The following TXNRD3 variants were observed in gnomAD, a reference collection of about 807,000 sequenced individuals.
TXNRD3 encodes TXNRD3 neighbor gene protein.
A neutral mutation model predicts 78.2 loss-of-function variants in TXNRD3; 68 were observed. The observed-to-expected ratio is 0.87, with a 90% CI of 0.72 to 1.06. The LOEUF (loss-of-function observed/expected upper bound fraction) is 1.06, where lower values mean the gene tolerates loss of function less well. TXNRD3 is among the 50% of genes least tolerant of loss of function. The probability of loss-of-function intolerance (pLI) is 0.00; values close to 1 mark genes in which losing one functional copy is unlikely to be tolerated. For missense variants in TXNRD3, 751 were observed against 809.5 expected (o/e 0.93, Z 0.88); for synonymous variants, 296 against 300.1 (o/e 0.99, Z 0.14).
intron 1 of TXNRD3, among the ~76,000 whole-genome samples, chr3:126,650,943 TG>T (rs1933373355): frequency 6.6e-6 from 1 of 152,180 alleles, no homozygotes; most frequent in Admixed American, 6.5e-5. Flanking sequence ...ACAAACAAGC[TG>T]GTTGATTACA....
At chr3:126,637,932 C>CTTTTTTTTTTTTTTTTTTTTTTT (rs71615916) in intron 6 of TXNRD3, among the ~76,000 whole-genome samples, 1 of 60,190 alleles carries the variant, frequency 1.7e-5, no homozygotes, top group African/African-American at 7.2e-5. Flanking sequence ...ATTTCTCTCT[C>CTTTTTTTTTTTTTTTTTTTTTTT]TTTTTTTTTT....
chr3:126,623,980 T>C (rs988568845), intron 10 of TXNRD3, among the ~76,000 whole-genome samples: 2 of 151,578 alleles, frequency 1.3e-5, no homozygotes, highest in African/African-American at 4.8e-5. Flanking sequence ...TTTTATACAC[T>C]ACCAACCAAC....
At chr3:126,643,734 T>G (rs4679127) in intron 5 of TXNRD3, among the ~76,000 whole-genome samples, 1 of 152,056 alleles carries the variant, frequency 6.6e-6, no homozygotes, top group Non-Finnish European at 1.5e-5. Context: ...TTTTTTAAAA[T>G]TTTTTTATTT....
rs1341907120 is a variant in TXNRD3 at position 126,611,076 on chromosome 3, G to T, written c.1689C>A (p.Asn563Lys). The change falls in exon 14 of 16, where the codon AAC becomes AAA. Residue 563 changes from asparagine (N) to lysine (K), a missense_variant. Coordinates refer to ENST00000524230, the MANE Select transcript of TXNRD3 (RefSeq NM_052883.3). Reference sequence around the variant, plus strand: ...TGCAGATTATCTTTGCATAACAAGTGTTGTTCTCTCTGCCAGCTACTGTCC... The same window carrying T: ...TGCAGATTATCTTTGCATAACAAGTTTTGTTCTCTCTGCCAGCTACTGTCC... The T allele has an allele frequency of 9.8e-6, 15 of 1,527,440 alleles. No homozygotes were observed. The highest frequency in any genetic ancestry group is 1.3e-5 in the Non-Finnish European group (15 of 1,142,136). 94.6% of individuals were successfully genotyped at this position (1,527,440 alleles called of 1,614,324 possible). A position where few individuals can be genotyped will look rare whatever the true frequency, so the allele number is the denominator to read the frequency against.
chr3:126,651,119 A>G (rs1933377525), intron 1 of TXNRD3, among the ~76,000 whole-genome samples: 1 of 152,230 alleles, frequency 6.6e-6, no homozygotes. Context: ...TATGTGGAAT[A>G]TGGTGTCTAA....
At chr3:126,646,307 T>C (rs531080325) in intron 2 of TXNRD3, 87 bp from the exon 3 acceptor site, 11 of 1,080,936 alleles carry the variant, frequency 1.0e-5, no homozygotes, top group Non-Finnish European at 1.4e-5. Flanking sequence ...CACTCAAATG[T>C]TCACATGTAC....
At chr3:126,608,469 A>G in intron 15 of TXNRD3, 30 bp downstream of exon 15, 1 of 1,510,092 alleles carries the variant, frequency 6.6e-7, no homozygotes, top group Non-Finnish European at 8.8e-7. Context: ...CATCAACTGA[A>G]GCCAATTTTT....
intron 1 of TXNRD3, among the ~76,000 whole-genome samples, chr3:126,653,876 C>A (rs1026638419): frequency 2.6e-5 from 4 of 152,144 alleles, no homozygotes; most frequent in African/African-American, 9.7e-5. Flanking sequence ...GCTACAGATA[C>A]TAACATGCAT....
chr3:126,625,028 A>T (rs981325848), intron 10 of TXNRD3: 2 of 168,412 alleles, frequency 1.2e-5, no homozygotes, highest in Non-Finnish European at 2.6e-5. Flanking sequence ...TGTGCTCATT[A>T]TCTAATGGAA....
At chr3:126,635,577 A>G (rs576374438) in intron 6 of TXNRD3, among the ~76,000 whole-genome samples, 1 of 152,332 alleles carries the variant, frequency 6.6e-6, no homozygotes, top group South Asian at 2.1e-4. Context: ...TTTCAAAACG[A>G]ATTTTAAAAT....
chr3:126,633,651 C>A (rs184352990), intron 7 of TXNRD3, among the ~76,000 whole-genome samples: 1 of 152,162 alleles, frequency 6.6e-6, no homozygotes, highest in East Asian at 1.9e-4. Context: ...TAAACATGTT[C>A]TCTTTTAAGA....
chr3:126,635,925 A>G (rs950781482), intron 6 of TXNRD3, among the ~76,000 whole-genome samples: 1 of 152,134 alleles, frequency 6.6e-6, no homozygotes, highest in Non-Finnish European at 1.5e-5. Context: ...ACATATATAC[A>G]AACACACACA....
chr3:126,647,226 G>T lies in TXNRD3; in HGVS notation c.304+10C>A. The T allele has an allele frequency of 6.5e-7, 1 of 1,530,714 alleles. No homozygotes were observed. Among genetic ancestry groups the T allele is most frequent in the Non-Finnish European group, 8.7e-7 (1 of 1,142,890 alleles). 94.8% of individuals were successfully genotyped at this position (1,530,714 alleles called of 1,614,324 possible). A position where few individuals can be genotyped will look rare whatever the true frequency, so the allele number is the denominator to read the frequency against. ...TATAAACAACACTATGTTGTAACTG[G>T]TCTACTTACCAACTTGATCAAGTTC... On this transcript the variant is annotated intron_variant, in intron 2 of 15. Transcript: ENST00000524230.
Position 126,607,238 on chromosome 3 carries a change from A to G in TXNRD3, c.*667T>C, listed in dbSNP as rs941157773. Reference sequence around the variant, plus strand: ...ATGAGATATTTTGCTCAGTCTCGAGATATTAATTAGGGGAGAATAGCTTCA... The same window carrying G: ...ATGAGATATTTTGCTCAGTCTCGAGGTATTAATTAGGGGAGAATAGCTTCA... On this transcript the variant is annotated 3_prime_UTR_variant, in exon 16 of 16. Coordinates refer to ENST00000524230, the MANE Select transcript of TXNRD3 (RefSeq NM_052883.3). 4.6e-5 allele frequency: 7 copies of G among 152,230 alleles called. No individual in the cohort carries two copies. The highest frequency in any genetic ancestry group is 1.0e-4 in the Non-Finnish European group (7 of 68,042). The allele number at this position is 152,230 out of a possible 1,614,324, so 9.4% of individuals were successfully genotyped here.
intron 12 of TXNRD3, among the ~76,000 whole-genome samples, chr3:126,617,631 T>C (rs1938347758): frequency 6.6e-6 from 1 of 152,198 alleles, no homozygotes; most frequent in Non-Finnish European, 1.5e-5. Context: ...AAAAGTAACC[T>C]GGATTCATAA....
chr3:126,616,131 C>A (rs1197121345), intron 12 of TXNRD3, among the ~76,000 whole-genome samples: 1 of 152,172 alleles, frequency 6.6e-6, no homozygotes, highest in Non-Finnish European at 1.5e-5. Context: ...AGGTGGCACT[C>A]CTGCCTAGGA....
At chr3:126,634,123 CAT>C (rs1938793478) in intron 6 of TXNRD3, 72 bp from the exon 7 acceptor site, 14 of 1,312,122 alleles carry the variant, frequency 1.1e-5, no homozygotes, top group South Asian at 4.6e-5. Context: ...TATAACCACA[CAT>C]GAGCCATACT....
chr3:126,641,194 C>T (rs1386178357), intron 6 of TXNRD3, among the ~76,000 whole-genome samples: 3 of 152,180 alleles, frequency 2.0e-5, no homozygotes, highest in Admixed American at 6.5e-5. Flanking sequence ...GTGCCCACTT[C>T]CCAAATAAGC....
intron 11 of TXNRD3, among the ~76,000 whole-genome samples, 190 bp downstream of exon 11, chr3:126,622,274 C>A (rs915318446): frequency 2.0e-5 from 3 of 152,128 alleles, no homozygotes; most frequent in East Asian, 1.9e-4. Flanking sequence ...AATATATGAG[C>A]TTTTTAAGGC....
Sources: gnomAD v4.1 joint callset for allele counts (sites outside exome capture counted in the v4.1 genomes callset) on GRCh38, gnomAD v4.1.1 for gene constraint, MANE v1.5 for transcripts, NCBI Gene and HGNC (gene_info 2026-07-23, HGNC 2026-07-21) for gene names.